The following DLC1 variants were observed in gnomAD, a reference collection of about 807,000 sequenced individuals.
DLC1 encodes the protein rho GTPase-activating protein 7.
In DLC1, 54 loss-of-function variants were observed where a neutral mutation model predicts 140.3. The observed-to-expected ratio is 0.38, with a 90% confidence interval of 0.31 to 0.48. The LOEUF is 0.48. DLC1 is among the 20% of genes least tolerant of loss of function. DLC1 has a pLI of 0.96. For missense variants in DLC1, 2,536 were observed against 1,907.0 expected (o/e 1.33, Z -6.14); for synonymous variants, 986 against 728.1 (o/e 1.35, Z -5.70).
chr8:13,213,420 C>G (rs941649476), intron 5 of DLC1, among the ~76,000 whole-genome samples: 13 of 152,194 alleles, frequency 8.5e-5, no homozygotes, highest in Non-Finnish European at 1.6e-4. Context: ...CCAAGTTAAT[C>G]AGGACTCATC....
chr8:13,157,456 G>A (rs1156737021), intron 5 of DLC1, among the ~76,000 whole-genome samples: 1 of 149,042 alleles, frequency 6.7e-6, no homozygotes, highest in Non-Finnish European at 1.5e-5. Flanking sequence ...GAATAAGCAG[G>A]TGAGGAACAA....
intron 1 of DLC1, among the ~76,000 whole-genome samples, chr8:13,527,344 G>A (rs1203462496): frequency 1.3e-5 from 2 of 152,124 alleles, no homozygotes; most frequent in Non-Finnish European, 2.9e-5. Context: ...TTCTCTTTTA[G>A]TCAGCATGAA....
intron 5 of DLC1, among the ~76,000 whole-genome samples, chr8:13,285,793 T>C (rs1831517211): frequency 6.6e-6 from 1 of 152,110 alleles, no homozygotes; most frequent in African/African-American, 2.4e-5. Flanking sequence ...TCCTAGGAAT[T>C]ACTAAAGATA....
chr8:13,493,567 C>T (rs906500206), intron 2 of DLC1, among the ~76,000 whole-genome samples: 2 of 152,074 alleles, frequency 1.3e-5, no homozygotes, highest in Non-Finnish European at 2.9e-5. Flanking sequence ...GTGCTGAGAA[C>T]GTTCAATATC....
At chr8:13,432,942 CTTTT>C (rs35776848) in intron 2 of DLC1, among the ~76,000 whole-genome samples, 4 of 93,016 alleles carry the variant, frequency 4.3e-5, no homozygotes, top group Admixed American at 1.4e-4. Flanking sequence ...TCCTCTCTTC[CTTTT>C]TTTTTTTTTT....
At chr8:13,343,089 T>C (rs1188315568) in intron 4 of DLC1, among the ~76,000 whole-genome samples, 2 of 152,188 alleles carry the variant, frequency 1.3e-5, no homozygotes, top group Non-Finnish European at 2.9e-5. Context: ...TGCTATATAC[T>C]GCTGATATTT....
chr8:13,361,792 C>T (rs1481713057), intron 4 of DLC1, among the ~76,000 whole-genome samples: 2 of 152,144 alleles, frequency 1.3e-5, no homozygotes, highest in East Asian at 1.9e-4. Flanking sequence ...CAAGGAAGAA[C>T]TGAAAAGGGC....
chr8:13,471,805 G>A (rs1800222564), intron 2 of DLC1, among the ~76,000 whole-genome samples: 1 of 152,158 alleles, frequency 6.6e-6, no homozygotes, highest in Non-Finnish European at 1.5e-5. Flanking sequence ...AATGCTTCCT[G>A]GCAAATCCTA....
chr8:13,153,469 C>T (rs962602018), intron 5 of DLC1, among the ~76,000 whole-genome samples: 9 of 152,200 alleles, frequency 5.9e-5, no homozygotes, highest in African/African-American at 1.9e-4. Flanking sequence ...AACTTAAAAA[C>T]ACCAAAGCTT....
At chr8:13,488,712 C>T (rs965132094) in intron 2 of DLC1, among the ~76,000 whole-genome samples, 2 of 152,140 alleles carry the variant, frequency 1.3e-5, no homozygotes, top group Admixed American at 1.3e-4. Context: ...ATGTTGAAAC[C>T]TAATTAAGAT....
chr8:13,446,200 C>T (rs1170413447), intron 2 of DLC1, among the ~76,000 whole-genome samples: 2 of 152,140 alleles, frequency 1.3e-5, no homozygotes, highest in Non-Finnish European at 2.9e-5. Flanking sequence ...TGACTTTGCT[C>T]ATCAGGCTCT....
At chr8:13,308,715 G>A (rs555541155) in intron 4 of DLC1, among the ~76,000 whole-genome samples, 9 of 152,308 alleles carry the variant, frequency 5.9e-5, no homozygotes, top group Admixed American at 2.6e-4. Context: ...TGCTGAACAC[G>A]AATGATTAGT....
intron 12 of DLC1, among the ~76,000 whole-genome samples, chr8:13,093,712 A>C (rs961662445): frequency 6.6e-6 from 1 of 152,228 alleles, no homozygotes; most frequent in Admixed American, 6.5e-5. Context: ...TTTTTATAAA[A>C]TATGAAAGGA....
intron 10 of DLC1, among the ~76,000 whole-genome samples, chr8:13,097,495 G>A (rs771200125): frequency 2.6e-5 from 4 of 151,878 alleles, no homozygotes; most frequent in East Asian, 1.9e-4. Context: ...AACTCCTGGC[G>A]TCATGTGATC....
chr8:13,089,065 C>T (rs544877863), intron 15 of DLC1, among the ~76,000 whole-genome samples: 1 of 151,828 alleles, frequency 6.6e-6, no homozygotes, highest in Non-Finnish European at 1.5e-5. Context: ...TCAAGACCAG[C>T]CTGGCCAACA....
At position 13,401,573 on chromosome 8, in the gene DLC1, A is replaced by T. The variant is rs771409271; in HGVS notation, c.1070T>A (p.Leu357Gln). ...RDRARLDSMVLLIMKLDQLDQ... is the reference protein window; with the variant it reads ...RDRARLDSMVQLIMKLDQLDQ... Reference sequence around the variant, plus strand: ...AAGCTGGTCCAGTTTCATAATCAGCAGCACCATGGAGTCCAGCCGCGCCCT... The same window carrying T: ...AAGCTGGTCCAGTTTCATAATCAGCTGCACCATGGAGTCCAGCCGCGCCCT... The change falls in exon 3 of 18, where the codon CTG (leucine) becomes CAG (glutamine). Residue 357 changes from leucine to glutamine, a missense_variant. Physicochemically the swap from Leu to Gln is moderately radical, Grantham distance 113. Transcript: ENST00000276297. 2 of 1,613,748 alleles carry T rather than the reference A, an allele frequency of 1.2e-6. No individual in the cohort carries two copies. The highest frequency in any genetic ancestry group is 1.7e-6 in the Non-Finnish European group (2 of 1,180,006).
intron 1 of DLC1, chr8:13,567,889 C>A (rs1476683375): frequency 1.0e-5 from 16 of 1,551,946 alleles, no homozygotes; most frequent in Non-Finnish European, 1.3e-5. Flanking sequence ...ATTTTCTCTG[C>A]CATTTCTCAA....
chr8:13,283,923 G>A (rs972705930), intron 5 of DLC1, among the ~76,000 whole-genome samples: 4 of 152,182 alleles, frequency 2.6e-5, no homozygotes, highest in Non-Finnish European at 4.4e-5. Context: ...GAGATCTGCA[G>A]AGGGGTCTTC....
At chr8:13,137,038 G>A (rs565759594) in intron 5 of DLC1, among the ~76,000 whole-genome samples, 1 of 152,248 alleles carries the variant, frequency 6.6e-6, no homozygotes, top group East Asian at 1.9e-4. Context: ...ACTAAAACAT[G>A]AAATCCTATT....
Sources: allele counts gnomAD v4.1 joint callset (sites outside exome capture counted in the v4.1 genomes callset), GRCh38; gene constraint gnomAD v4.1.1; transcripts MANE v1.5; gene names NCBI Gene and HGNC (gene_info 2026-07-23, HGNC 2026-07-21).